The following CRYBG3 variants were observed in gnomAD, a reference collection of about 807,000 sequenced individuals.
The protein encoded by CRYBG3 is very large A-kinase anchor protein.
Under a neutral mutation model 244.2 loss-of-function variants are expected in CRYBG3, and 127 were observed. The observed-to-expected ratio is 0.52, with a 90% confidence interval of 0.45 to 0.60. The LOEUF (loss-of-function observed/expected upper bound fraction) is 0.60, where lower values mean the gene tolerates loss of function less well. Ranked by LOEUF, CRYBG3 falls within the 20% of genes least tolerant of loss-of-function variation. CRYBG3 has a pLI of 0.00. For missense variants in CRYBG3, 3,325 were observed against 3,442.5 expected (o/e 0.97, Z 0.85); for synonymous variants, 1,132 against 1,195.8 (o/e 0.95, Z 1.10).
Position 97,828,851 on chromosome 3 carries a change from AAAAC to A in CRYBG3, c.149+6512_149+6515del, listed in dbSNP as rs570994174. The stretch of plus-strand genomic sequence containing the variant: ...CTCAAAAAAAAAAAAAAAAATAACA[AAAAC>A]AAACAAACAAACAAAAAAAAACTTA... On this transcript the variant is annotated intron_variant, in intron 1 of 21. Coordinates refer to ENST00000389622, the MANE Select transcript of CRYBG3 (RefSeq NM_153605.4). Among the ~76,000 whole-genome samples, 150 of 151,570 alleles carry A rather than the reference AAAAC, an allele frequency of 9.9e-4. 1 individual carries two copies. Among genetic ancestry groups the A allele is most frequent in the East Asian group, 7.9e-3 (41 of 5,176 alleles).
At chr3:97,937,676 T>G (rs1184568878) in intron 19 of CRYBG3, among the ~76,000 whole-genome samples, 1 of 152,044 alleles carries the variant, frequency 6.6e-6, no homozygotes, top group African/African-American at 2.4e-5. Context: ...TCTCTCCCAC[T>G]CTATAGAAAA....
intron 3 of CRYBG3, among the ~76,000 whole-genome samples, chr3:97,868,079 C>G (rs1375604664): frequency 1.3e-5 from 2 of 151,940 alleles, no homozygotes; most frequent in African/African-American, 2.4e-5. Flanking sequence ...GTCAGGAGAT[C>G]GAGACCATCC....
intron 1 of CRYBG3, among the ~76,000 whole-genome samples, chr3:97,841,964 C>G (rs1232346336): frequency 6.6e-6 from 1 of 152,174 alleles, no homozygotes; most frequent in African/African-American, 2.4e-5. Context: ...TTTTGCACCT[C>G]CTCTGAGGGT....
chr3:97,833,915 T>C (rs1007833856), intron 1 of CRYBG3, among the ~76,000 whole-genome samples: 17 of 152,036 alleles, frequency 1.1e-4, no homozygotes, highest in African/African-American at 3.9e-4. Flanking sequence ...CCACTCATGG[T>C]GGAAGGTACA....
chr3:97,915,841 T>C (rs903491412), intron 17 of CRYBG3, 105 bp downstream of exon 17: 3 of 948,546 alleles, frequency 3.2e-6, no homozygotes, highest in African/African-American at 3.3e-5. Context: ...AGGAGAAATA[T>C]AAAAATCTGA....
chr3:97,884,132 C>T (rs772200299), intron 7 of CRYBG3, among the ~76,000 whole-genome samples: 17 of 152,086 alleles, frequency 1.1e-4, no homozygotes, highest in Non-Finnish European at 1.9e-4. Context: ...GTTACTAGAA[C>T]TCTATTATTA....
chr3:97,874,825 G>C lies in CRYBG3; in HGVS notation c.3631G>C (p.Val1211Leu), dbSNP rs1419287630. ...ATTGATTGGTGAGATTTTTAATTCT[G>C]TCAGGGAAGAACTAAAATTCAAACA... ...DTLIGEIFNSVREELKFKHTV... is the reference protein window; with the variant it reads ...DTLIGEIFNSLREELKFKHTV... Residue 1211 changes from valine (V) to leucine (L), a missense_variant, in exon 4 of 22, where the codon GTC (valine) becomes CTC (leucine). Around this residue, in one of 4 missense-constraint regions of CRYBG3, gnomAD observed 1,526 missense variants for 1,443.2 expected, o/e 1.06. Transcript: ENST00000389622. 2 of 1,535,834 alleles carry C rather than the reference G, an allele frequency of 1.3e-6. No individual in the cohort carries two copies. The highest frequency in any genetic ancestry group is 4.9e-5 in the East Asian group (2 of 40,920).
At chr3:97,918,925 G>T (rs2039955529) in intron 17 of CRYBG3, among the ~76,000 whole-genome samples, 1 of 152,150 alleles carries the variant, frequency 6.6e-6, no homozygotes, top group African/African-American at 2.4e-5. Context: ...CTCACATTCT[G>T]TTTCCAAAAG....
At chr3:97,855,577 G>A (rs1208712940) in intron 2 of CRYBG3, among the ~76,000 whole-genome samples, 1 of 152,102 alleles carries the variant, frequency 6.6e-6, no homozygotes, top group Non-Finnish European at 1.5e-5. Flanking sequence ...GCTTGTATAT[G>A]TCCAGGTATC....
At chr3:97,860,815 CT>C (rs2039135215) in intron 2 of CRYBG3, among the ~76,000 whole-genome samples, 1 of 151,904 alleles carries the variant, frequency 6.6e-6, no homozygotes, top group African/African-American at 2.4e-5. Context: ...GACTTGTAAT[CT>C]TTTTTTTCCA....
intron 8 of CRYBG3, among the ~76,000 whole-genome samples, chr3:97,888,110 A>G (rs966130727): frequency 6.6e-6 from 1 of 152,238 alleles, no homozygotes; most frequent in African/African-American, 2.4e-5. Flanking sequence ...TGGAAAATGT[A>G]TCAGACTTAT....
Position 97,936,787 on chromosome 3 carries a change from G to A in CRYBG3, c.8384G>A (p.Trp2795Ter). The stretch of plus-strand genomic sequence containing the variant: ...TTTTTTCTTTCTTGTTCTCATAGAT[G>A]GATAGCTTATGAAGGATCCAATTTC... ...TQSVWVKSGL[W>*]IAYEGSNFLG... is the part of the protein sequence containing the mutation. Residue 2795 changes from tryptophan to a stop codon, truncating the protein, a stop_gained and splice_region_variant, in exon 19 of 22, where the codon TGG becomes TAG. Coordinates refer to ENST00000389622, the MANE Select transcript of CRYBG3 (RefSeq NM_153605.4). LOFTEE classifies it high-confidence loss of function. 1 of 1,611,764 alleles carries A rather than the reference G, an allele frequency of 6.2e-7. No individual in the cohort carries two copies. The highest frequency in any genetic ancestry group is 8.5e-7 in the Non-Finnish European group (1 of 1,178,924).
intron 1 of CRYBG3, among the ~76,000 whole-genome samples, chr3:97,830,450 G>C (rs2038639750): frequency 1.3e-5 from 2 of 151,724 alleles, no homozygotes; most frequent in South Asian, 4.2e-4. Flanking sequence ...ACCTATTTTT[G>C]GACTTCACGT....
chr3:97,934,160 G>A (rs1221347125), intron 18 of CRYBG3, among the ~76,000 whole-genome samples: 2 of 152,064 alleles, frequency 1.3e-5, no homozygotes, highest in Admixed American at 6.6e-5. Context: ...TTCTAGAGCA[G>A]TTCCTCCAGG....
chr3:97,933,168 T>C, intron 17 of CRYBG3: 1 of 444,170 alleles, frequency 2.3e-6, no homozygotes, highest in Non-Finnish European at 4.5e-6. Flanking sequence ...GTTGAAGAAA[T>C]ACTTTTAATG....
chr3:97,859,224 C>T (rs1235063016), intron 2 of CRYBG3, among the ~76,000 whole-genome samples: 2 of 152,090 alleles, frequency 1.3e-5, no homozygotes, highest in African/African-American at 4.8e-5. Context: ...TTCAGCTCCA[C>T]TGATGAAAGG....
intron 2 of CRYBG3, among the ~76,000 whole-genome samples, chr3:97,855,669 T>C (rs1266738249): frequency 6.6e-6 from 1 of 151,850 alleles, no homozygotes; most frequent in African/African-American, 2.4e-5. Context: ...AGGGACAGAG[T>C]ACAAAAGAGA....
intron 17 of CRYBG3, among the ~76,000 whole-genome samples, chr3:97,917,993 G>A (rs563177676): frequency 5.3e-5 from 8 of 152,082 alleles, no homozygotes; most frequent in Non-Finnish European, 1.0e-4. Flanking sequence ...GAATTGATAT[G>A]CCTTTTTTCG....
chr3:97,842,220 T>G (rs905983929), intron 1 of CRYBG3, among the ~76,000 whole-genome samples: 2 of 152,148 alleles, frequency 1.3e-5, no homozygotes, highest in African/African-American at 4.8e-5. Context: ...ATTTGTCTAG[T>G]ATTATGAAAG....
Sources: gnomAD v4.1 joint callset for allele counts (sites outside exome capture counted in the v4.1 genomes callset) on GRCh38, gnomAD v4.1.1 for gene constraint, gnomAD v4.1.1 regional missense constraint, MANE v1.5 for transcripts, NCBI Gene and HGNC (gene_info 2026-07-23, HGNC 2026-07-21) for gene names.